DMD: variants seen among roughly 807,000 people sequenced by gnomAD.
DMD encodes the protein mutant dystrophin.
Under a neutral mutation model 330.1 loss-of-function variants are expected in DMD, and 63 were observed. That is an observed-to-expected ratio of 0.19 (90% confidence interval 0.16 to 0.24). The LOEUF is 0.24. DMD is among the 10% of genes least tolerant of loss of function. DMD has a pLI of 1.00. For missense variants in DMD, 3,344 were observed against 2,684.1 expected, an observed-to-expected ratio of 1.25 and a Z score of -5.43; for synonymous variants, 1,223 against 959.8, an observed-to-expected ratio of 1.27 and a Z score of -5.07.
intron 57 of DMD, among the ~76,000 whole-genome samples, chrX:31,484,040 C>T (rs6653851): frequency 0.23 from 25,302 of 109,906 alleles, 2,823 homozygotes; most frequent in African/African-American, 0.43. Context: ...TAATGGAAAG[C>T]CAATTTTTCA....
chrX:32,479,242 A>T (rs1237805494), intron 21 of DMD, among the ~76,000 whole-genome samples: 3 of 111,449 alleles, frequency 2.7e-5, no homozygotes, highest in Non-Finnish European at 5.7e-5. Flanking sequence ...CACTCAGGTT[A>T]ATTAACATAT....
intron 16 of DMD, among the ~76,000 whole-genome samples, chrX:32,562,781 G>T (rs1231443431): frequency 1.8e-5 from 2 of 111,332 alleles, no homozygotes; most frequent in African/African-American, 6.5e-5. Flanking sequence ...ATACTATTTC[G>T]CTGTTGTCTC....
At chrX:31,343,610 TGTGTGTGTGA>T (rs1326900264) in intron 61 of DMD, among the ~76,000 whole-genome samples, 6 of 95,590 alleles carry the variant, frequency 6.3e-5, no homozygotes, top group African/African-American at 1.2e-4. Context: ...TGTGTGTGTG[TGTGTGTGTGA>T]GAGAGAGAGA....
chrX:32,025,311 T>C (rs1339725208), intron 44 of DMD, among the ~76,000 whole-genome samples: 1 of 112,089 alleles, frequency 8.9e-6, no homozygotes, highest in Non-Finnish European at 1.9e-5. Flanking sequence ...AAATTCTAAT[T>C]TTCTATAACT....
chrX:33,109,889 G>A (rs141241404), intron 1 of DMD, among the ~76,000 whole-genome samples: 3,955 of 110,845 alleles, frequency 0.036, 188 homozygotes, highest in African/African-American at 0.12. Flanking sequence ...AATAAAAACT[G>A]CTTGGCAAAT....
At chrX:31,716,441 CT>C (rs1276426360) in intron 52 of DMD, among the ~76,000 whole-genome samples, 1 of 111,156 alleles carries the variant, frequency 9.0e-6, no homozygotes, top group Non-Finnish European at 1.9e-5. Flanking sequence ...ATCCCAGCTA[CT>C]CAGATGGCTG....
chrX:31,875,438 A>C (rs976791632), intron 47 of DMD, 65 bp from the exon 48 acceptor site: 1 of 891,880 alleles, frequency 1.1e-6, no homozygotes, highest in Admixed American at 2.8e-5. Flanking sequence ...ATGTTTAAAA[A>C]TATATTTTCA....
intron 15 of DMD, among the ~76,000 whole-genome samples, chrX:32,568,376 T>G (rs1371998327): frequency 9.1e-6 from 1 of 109,309 alleles, no homozygotes. Flanking sequence ...GGAATGTTGG[T>G]GCATGCCTGT....
intron 41 of DMD, among the ~76,000 whole-genome samples, chrX:32,332,900 A>T (rs1473093553): frequency 4.5e-5 from 5 of 110,953 alleles, no homozygotes; most frequent in African/African-American, 1.6e-4. Context: ...GGGGAAAAGA[A>T]TAATTTTGTT....
At chrX:32,085,615 T>TTTCTCTATAAA (rs1569541138) in intron 44 of DMD, among the ~76,000 whole-genome samples, 1 of 91,563 alleles carries the variant, frequency 1.1e-5, no homozygotes, top group African/African-American at 4.2e-5. Flanking sequence ...TGTATATATA[T>TTTCTCTATAAA]ACGTATATAT....
At chrX:32,556,147 G>A (rs1279909610) in intron 16 of DMD, among the ~76,000 whole-genome samples, 2 of 111,811 alleles carry the variant, frequency 1.8e-5, no homozygotes, top group Non-Finnish European at 3.8e-5. Flanking sequence ...TTAAAAAGTG[G>A]GCAAAGCACA....
At chrX:32,546,757 A>T (rs1603635976) in intron 16 of DMD, among the ~76,000 whole-genome samples, 1 of 108,358 alleles carries the variant, frequency 9.2e-6, no homozygotes, top group East Asian at 3.0e-4. Context: ...TAGATTCATT[A>T]TTTAGAATGA....
chrX:32,430,017 C>CT (rs748934654), intron 29 of DMD, among the ~76,000 whole-genome samples: 2 of 110,784 alleles, frequency 1.8e-5, no homozygotes, highest in African/African-American at 3.3e-5. Context: ...TAAAATTTCA[C>CT]TTTTTTTTCA....
intron 50 of DMD, among the ~76,000 whole-genome samples, chrX:31,810,208 G>A (rs762758019): frequency 2.2e-4 from 24 of 111,281 alleles, no homozygotes; most frequent in Non-Finnish European, 3.4e-4. Context: ...TTATGGAACA[G>A]CATCCAATTC....
chrX:33,008,737 T>C (rs958884883), intron 2 of DMD, among the ~76,000 whole-genome samples: 6 of 92,474 alleles, frequency 6.5e-5, no homozygotes, highest in East Asian at 3.5e-4. Context: ...GTTAAAAATA[T>C]ATATATACAT....
At chrX:32,519,699 T>C (rs1050335984) in intron 17 of DMD, among the ~76,000 whole-genome samples, 5 of 111,981 alleles carry the variant, frequency 4.5e-5, no homozygotes, top group Non-Finnish European at 9.4e-5. Flanking sequence ...ATTAAACCAG[T>C]TATATCACAA....
intron 62 of DMD, among the ~76,000 whole-genome samples, chrX:31,280,403 C>G (rs2052525120): frequency 9.0e-6 from 1 of 111,070 alleles, no homozygotes; most frequent in African/African-American, 3.3e-5. Flanking sequence ...AAGTAATACA[C>G]AGTGAGAGAA....
intron 44 of DMD, among the ~76,000 whole-genome samples, chrX:32,085,648 A>ACATATATACGTATATATATACGCG (rs1360350380): frequency 0.14 from 8,998 of 63,692 alleles, 703 homozygotes; most frequent in East Asian, 0.21. Context: ...ACGTATATAT[A>ACATATATACGTATATATATACGCG]TGTGTGTATA....
At chrX:33,285,824 C>T (rs1299832141) in intron 1 of DMD, among the ~76,000 whole-genome samples, 1 of 112,019 alleles carries the variant, frequency 8.9e-6, no homozygotes, top group Non-Finnish European at 1.9e-5. Context: ...GGCCTATGGC[C>T]CCATCATTCC....
Sources: gnomAD v4.1 joint callset for allele counts (sites outside exome capture counted in the v4.1 genomes callset) on GRCh38, gnomAD v4.1.1 for gene constraint, MANE v1.5 for transcripts, NCBI Gene and HGNC (gene_info 2026-07-23, HGNC 2026-07-21) for gene names.